The following SCN11A variants were observed in gnomAD, a reference collection of about 807,000 sequenced individuals.
SCN11A encodes sodium voltage-gated channel alpha subunit 11, also known as sodium channel protein type 11 subunit alpha.
A neutral mutation model predicts 162.2 loss-of-function variants in SCN11A; 122 were observed. That is an observed-to-expected ratio of 0.75 (90% CI 0.65 to 0.87). The LOEUF (loss-of-function observed/expected upper bound fraction) is 0.87. Among genes scored for constraint, SCN11A ranks in the 40% least tolerant of loss-of-function variants. The probability of loss-of-function intolerance (pLI) is 0.00; values close to 1 mark genes in which losing one functional copy is unlikely to be tolerated. For synonymous variants in SCN11A, 758 were observed against 751.5 expected (o/e 1.01, Z -0.14); for missense variants, 2,015 against 2,181.6 (o/e 0.92, Z 1.52).
At chr3:38,878,967 G>A (rs1310156417) in intron 23 of SCN11A, among the ~76,000 whole-genome samples, 2 of 152,096 alleles carry the variant, frequency 1.3e-5, no homozygotes, top group Non-Finnish European at 2.9e-5. Context: ...CCTGGAGTGA[G>A]ACTTACTAGG....
intron 2 of SCN11A, among the ~76,000 whole-genome samples, chr3:39,012,586 T>G (rs563831977): frequency 6.6e-6 from 1 of 151,076 alleles, no homozygotes; most frequent in East Asian, 2.0e-4. Context: ...GTTCAAGCAA[T>G]TCTCCTGCCT....
intron 7 of SCN11A, among the ~76,000 whole-genome samples, chr3:38,933,190 A>C (rs1485989314): frequency 6.6e-6 from 1 of 152,204 alleles, no homozygotes; most frequent in East Asian, 1.9e-4. Context: ...AAACTAACAA[A>C]CAGAAAGGAC....
chr3:38,980,499 C>T (rs535480062), intron 2 of SCN11A, among the ~76,000 whole-genome samples: 10 of 152,212 alleles, frequency 6.6e-5, no homozygotes, highest in African/African-American at 1.9e-4. Context: ...GCTCTTACTG[C>T]GGAGCCCAGG....
At chr3:38,946,570 C>T (rs1559549608) in intron 6 of SCN11A, among the ~76,000 whole-genome samples, 1 of 152,212 alleles carries the variant, frequency 6.6e-6, no homozygotes, top group Non-Finnish European at 1.5e-5. Context: ...AAAGAAGTTG[C>T]CTGCCTTTTA....
Position 38,905,273 on chromosome 3 carries a change from C to T in SCN11A, c.1522G>A (p.Asp508Asn), listed in dbSNP as rs750499979. The T allele has an allele frequency of 6.2e-6, 10 of 1,614,040 alleles. No individual in the cohort carries two copies. The South Asian group carries it at 1.1e-4, about 18-fold the overall frequency. Reference protein sequence around the residue: ...TKRLSQNLSLDHFDEHGDPLQ... With the variant: ...TKRLSQNLSLNHFDEHGDPLQ... ...GGATCTCCATGCTCATCAAAGTGGT[C>T]CAGTGATAGATTCTGGGACAGTCGT... is the stretch of plus-strand genomic sequence containing the variant. Residue 508 changes from aspartate to asparagine, a missense_variant, in exon 15 of 30, where the codon GAC becomes AAC. Transcript: ENST00000302328.
chr3:39,008,406 T>C (rs1036744022), intron 2 of SCN11A, among the ~76,000 whole-genome samples: 1 of 151,942 alleles, frequency 6.6e-6, no homozygotes, highest in African/African-American at 2.4e-5. Context: ...GAGGAAGCCT[T>C]AGGATATGGG....
chr3:39,039,374 C>A (rs1223275376), intron 1 of SCN11A, among the ~76,000 whole-genome samples: 7 of 152,186 alleles, frequency 4.6e-5, no homozygotes, highest in Admixed American at 4.6e-4. Flanking sequence ...CACAAACACA[C>A]AATGAACCCT....
At chr3:38,848,448 T>G (rs1335099004) in intron 29 of SCN11A, among the ~76,000 whole-genome samples, 1 of 152,146 alleles carries the variant, frequency 6.6e-6, no homozygotes, top group East Asian at 1.9e-4. Context: ...TTGAGTGTCC[T>G]GTAAGGTCAC....
At chr3:38,894,999 G>A (rs745990383) in intron 18 of SCN11A, 35 bp from the exon 19 acceptor site, 3 of 1,543,878 alleles carry the variant, frequency 1.9e-6, no homozygotes, top group Middle Eastern at 1.8e-4. Flanking sequence ...AGAAAGGAAA[G>A]TTTAGCAAAG....
At chr3:38,973,381 C>G (rs1377773990) in intron 2 of SCN11A, among the ~76,000 whole-genome samples, 1 of 151,130 alleles carries the variant, frequency 6.6e-6, no homozygotes, top group Non-Finnish European at 1.5e-5. Flanking sequence ...TCAACAGTAA[C>G]ACCACATAAA....
intron 1 of SCN11A, among the ~76,000 whole-genome samples, chr3:39,050,728 C>T (rs377145462): frequency 6.8e-4 from 103 of 152,182 alleles, no homozygotes; most frequent in Non-Finnish European, 1.4e-3. Context: ...TTTATTTAGC[C>T]TAATATACCC....
rs762734160 is a variant in SCN11A at position 38,946,924 on chromosome 3, AC to A, written c.268-18del. The A allele has an allele frequency of 2.1e-5, 31 of 1,458,944 alleles. No homozygotes were observed. The highest frequency in any genetic ancestry group is 1.8e-4 in the Middle Eastern group (1 of 5,710). The allele number at this position is 1,458,944 out of a possible 1,614,324, so 90.4% of individuals were successfully genotyped here. On this transcript the variant is annotated intron_variant, in intron 5 of 29. Transcript: ENST00000302328. ...CATAAATGTCTGCAAAACAAAAAAA[AC>A]AATACAAGAAAACACACACATACAC...
chr3:39,004,440 G>C (rs1476395784), intron 2 of SCN11A, among the ~76,000 whole-genome samples: 1 of 152,170 alleles, frequency 6.6e-6, no homozygotes, highest in Non-Finnish European at 1.5e-5. Flanking sequence ...AGTATAGTTT[G>C]AAGTTGGGTA....
chr3:38,968,591 T>TGTGCACACACAC (rs947621155), intron 2 of SCN11A, among the ~76,000 whole-genome samples: 81 of 152,264 alleles, frequency 5.3e-4, no homozygotes, highest in African/African-American at 1.8e-3. Flanking sequence ...CCAACACACA[T>TGTGCACACACAC]GTGCACACAC....
chr3:38,900,186 A>T, intron 16 of SCN11A, 113 bp from the exon 17 acceptor site: 1 of 757,944 alleles, frequency 1.3e-6, no homozygotes. Flanking sequence ...CTCATGATTG[A>T]CACACTATAC....
At position 39,043,869 on chromosome 3, in the gene SCN11A, A is replaced by C. The variant is rs951329717; in HGVS notation, c.-404+7992T>G. Among the ~76,000 whole-genome samples, 3 of 152,204 alleles carry C rather than the reference A, an allele frequency of 2.0e-5. No individual in the cohort carries two copies. The East Asian group carries it at 5.8e-4, about 29-fold the overall frequency. On this transcript the variant is annotated intron_variant, in intron 1 of 29. Transcript: ENST00000302328. ...GTAATAAAAAGGATAAATGCAAAAA[A>C]AGAAGGATAAATGCTTGAGGAGATG...
At chr3:39,014,144 T>G (rs1019054244) in intron 2 of SCN11A, among the ~76,000 whole-genome samples, 1 of 152,224 alleles carries the variant, frequency 6.6e-6, no homozygotes, top group African/African-American at 2.4e-5. Context: ...CCTGAATTTT[T>G]GTGGTCACTC....
chr3:38,936,925 G>A (rs1255755825), intron 7 of SCN11A, among the ~76,000 whole-genome samples: 1 of 151,774 alleles, frequency 6.6e-6, no homozygotes. Flanking sequence ...TCAATCCTAA[G>A]CCAAAAGAAC....
chr3:39,034,028 G>A (rs1227875042), intron 1 of SCN11A, among the ~76,000 whole-genome samples: 1 of 152,048 alleles, frequency 6.6e-6, no homozygotes, highest in Non-Finnish European at 1.5e-5. Context: ...CAGGCATGGT[G>A]GTGTGCATCT....
Sources: allele counts gnomAD v4.1 joint callset (sites outside exome capture counted in the v4.1 genomes callset), GRCh38; gene constraint gnomAD v4.1.1; transcripts MANE v1.5; gene names NCBI Gene and HGNC (gene_info 2026-07-23, HGNC 2026-07-21).